SMARCC2: variants seen among roughly 807,000 people sequenced by gnomAD.
SMARCC2 encodes the protein SWI/SNF related BAF chromatin remodeling complex subunit C2.
A neutral mutation model predicts 151.3 loss-of-function variants in SMARCC2; 15 were observed. The ratio of observed to expected loss-of-function variants is 0.10; its 90% confidence interval spans 0.07 to 0.15. SMARCC2 has a LOEUF of 0.15. SMARCC2 is among the 10% of genes least tolerant of loss of function. The pLI is 1.00. For missense variants in SMARCC2, 1,031 were observed against 1,599.7 expected (o/e 0.64, Z 6.06); for synonymous variants, 590 against 609.5 (o/e 0.97, Z 0.47).
At chr12:56,173,898 G>A (rs1292615303) in intron 16 of SMARCC2, 49 bp from the exon 17 acceptor site, 3 of 1,548,012 alleles carry the variant, frequency 1.9e-6, no homozygotes, top group Admixed American at 3.6e-5. Context: ...CCAGAAAGGT[G>A]CACGAGGAAG....
rs137865367 is a variant in SMARCC2 at position 56,166,011 on chromosome 12, C to A, written c.2851-312G>T. Reference sequence around the variant, plus strand: ...GGAAAATGCTTCCAGTTCCTTTTGTCAATTCAAGTTCTTTTCTTACTTCAA... The same window carrying A: ...GGAAAATGCTTCCAGTTCCTTTTGTAAATTCAAGTTCTTTTCTTACTTCAA... On this transcript the variant is annotated intron_variant, in intron 26 of 28. Coordinates refer to ENST00000550164, the MANE Select transcript of SMARCC2 (RefSeq NM_001330288.2). 4.8e-4 allele frequency among the ~76,000 whole-genome samples: 73 copies of A among 152,362 alleles called. 2 individuals carry two copies. The highest frequency in any genetic ancestry group is 8.2e-4 in the Non-Finnish European group (56 of 68,044).
chr12:56,184,780 G>T, intron 5 of SMARCC2, 64 bp downstream of exon 5: 1 of 975,814 alleles, frequency 1.0e-6, no homozygotes, highest in Non-Finnish European at 1.7e-6. Context: ...CTGCTGCTTG[G>T]TATAGAAAAC....
At chr12:56,172,270 C>T (rs1322692969) in intron 20 of SMARCC2, 158 bp downstream of exon 20, 8 of 635,808 alleles carry the variant, frequency 1.3e-5, no homozygotes, top group African/African-American at 3.7e-5. Flanking sequence ...TTCGTAGAGA[C>T]GGAGTCTCAC....
chr12:56,171,557 G>A lies in SMARCC2; in HGVS notation c.2185+122C>T. The A allele has an allele frequency of 6.7e-7, 1 of 1,501,508 alleles. No individual in the cohort carries two copies. Among genetic ancestry groups the A allele is most frequent in the African/African-American group, 1.4e-5 (1 of 72,106 alleles). 93.0% of individuals were successfully genotyped at this position (1,501,508 alleles called of 1,614,324 possible). A position where few individuals can be genotyped will look rare whatever the true frequency, so the allele number is the denominator to read the frequency against. Reference sequence around the variant, plus strand: ...TAGTATGGAGCCTAGACAGGTGCCTGAGCTGAGGCCCGCACAGACAAGGCC... The same window carrying A: ...TAGTATGGAGCCTAGACAGGTGCCTAAGCTGAGGCCCGCACAGACAAGGCC... On this transcript the variant is annotated intron_variant, in intron 21 of 28. Transcript: ENST00000550164. This position sits in a 1 kb window ranked among gnomAD's most constrained non-coding sequence, Gnocchi z 4.2.
At chr12:56,163,914 ACT>A (rs1397110525) in intron 28 of SMARCC2, 149 bp from the exon 29 acceptor site, 2 of 551,050 alleles carry the variant, frequency 3.6e-6, no homozygotes, top group Non-Finnish European at 6.3e-6. Flanking sequence ...TGTTCCCAAC[ACT>A]CTTTTCTACC....
rs1319380581 is a variant in SMARCC2, at chr12:56,165,616, C to T, written c.2934G>A (p.Arg978=). ...EQLKYAEMRA[R]QQHFQQMHQQ... ...GGTGCATCTGTTGGAAGTGCTGCTG[C>T]CGAGCCCTCATCTCCGCATACTTCA... Residue 978 remains arginine, a synonymous_variant, in exon 27 of 29, where the codon CGG becomes CGA. Transcript: ENST00000550164. 1 of 1,613,720 alleles carries T rather than the reference C, an allele frequency of 6.2e-7. No individual in the cohort carries two copies. The highest frequency in any genetic ancestry group is 8.5e-7 in the Non-Finnish European group (1 of 1,180,022).
chr12:56,172,002 C>T, intron 20 of SMARCC2, 65 bp from the exon 21 acceptor site: 1 of 1,485,060 alleles, frequency 6.7e-7, no homozygotes, highest in African/African-American at 1.4e-5. Flanking sequence ...CTGACTCCCC[C>T]CATCCTACTA....
rs750828713 is a variant in SMARCC2 at position 56,174,774 on chromosome 12, AAGAG to A, written c.1383-14_1383-11del. ...TCGATAGGCCAGGTAGCTTAGAAGA[AAGAG>A]AGAGAGAAACAAGAAGAAGAAAAAT... On this transcript the variant is annotated splice_polypyrimidine_tract_variant and intron_variant, in intron 15 of 28. Coordinates refer to ENST00000550164, the MANE Select transcript of SMARCC2 (RefSeq NM_001330288.2). The A allele has an allele frequency of 5.5e-5, 85 of 1,532,376 alleles. No individual in the cohort carries two copies. Among genetic ancestry groups the A allele is most frequent in the South Asian group, 1.0e-4 (9 of 89,318 alleles). The allele number at this position is 1,532,376 out of a possible 1,614,324, so 94.9% of individuals were successfully genotyped here. A position where few individuals can be genotyped will look rare whatever the true frequency, so the allele number is the denominator to read the frequency against.
At chr12:56,181,155 C>G in intron 10 of SMARCC2, 54 bp from the exon 11 acceptor site, 1 of 1,569,134 alleles carries the variant, frequency 6.4e-7, no homozygotes, top group South Asian at 1.2e-5. Flanking sequence ...CAAGGAGTCC[C>G]TGGAAGTTGA....
At position 56,169,818 on chromosome 12, in the gene SMARCC2, C is replaced by T. The variant is rs778409218; in HGVS notation, c.2506G>A (p.Asp836Asn). The part of the protein sequence containing the change: ...KKDEEKGKEG[D>N]SEKESEKSDG... ...CTCTTCTCGGACTCCTTCTCACTGT[C>T]GCCTTCTTTCCCTTTCTCCTCATCC... The change falls in exon 24 of 29, where the codon GAC (aspartate) becomes AAC (asparagine). Residue 836 changes from aspartate to asparagine, a missense_variant. Physicochemically the swap from Asp to Asn is conservative, Grantham distance 23. Around this residue, in one of 12 missense-constraint regions of SMARCC2, gnomAD observed 119 missense variants for 184.2 expected, o/e 0.65. Coordinates refer to ENST00000550164, the MANE Select transcript of SMARCC2 (RefSeq NM_001330288.2). The T allele has an allele frequency of 8.0e-5, 129 of 1,613,958 alleles. 3 individuals carry two copies. In the Admixed American group the frequency reaches 1.2e-3, roughly 15 times the overall value.
At chr12:56,169,141 A>C (rs2135668384) in intron 25 of SMARCC2, among the ~76,000 whole-genome samples, 1 of 151,748 alleles carries the variant, frequency 6.6e-6, no homozygotes, top group South Asian at 2.1e-4. Flanking sequence ...TAAAAATACA[A>C]AGAGTTAGCC....
chr12:56,187,175 T>G lies in SMARCC2; in HGVS notation c.231+12A>C, dbSNP rs1250609963. 6.2e-7 allele frequency: 1 copy of G among 1,612,684 alleles called. No homozygotes were observed. Among genetic ancestry groups the G allele is most frequent in the Non-Finnish European group, 8.5e-7 (1 of 1,178,972 alleles). ...CACCACCCCCCACCCTCCCTGCTACTTCTGCACTCACCGGCAGTTTAGTGA... is the reference window on the plus strand; with the variant it reads ...CACCACCCCCCACCCTCCCTGCTACGTCTGCACTCACCGGCAGTTTAGTGA... On this transcript the variant is annotated intron_variant, in intron 2 of 28. Coordinates refer to ENST00000550164, the MANE Select transcript of SMARCC2 (RefSeq NM_001330288.2).
At chr12:56,167,776 G>A (rs1314050091) in intron 26 of SMARCC2, among the ~76,000 whole-genome samples, 3 of 151,966 alleles carry the variant, frequency 2.0e-5, no homozygotes, top group African/African-American at 7.2e-5. Flanking sequence ...TCACTTGTGA[G>A]ACCACTTAAC....
intron 15 of SMARCC2, among the ~76,000 whole-genome samples, chr12:56,175,913 C>T (rs959142227): frequency 3.4e-4 from 52 of 151,840 alleles, no homozygotes; most frequent in African/African-American, 1.0e-3. Context: ...GGCTGGAGTA[C>T]AATGATGAGA....
In SMARCC2 at chr12:56,171,135, G is replaced by C; in HGVS notation, c.2347+136C>G. 1 of 806,544 alleles carries C rather than the reference G, an allele frequency of 1.2e-6. No homozygotes were observed. The highest frequency in any genetic ancestry group is 1.8e-5 in the South Asian group (1 of 56,090). 50.0% of individuals were successfully genotyped at this position (806,544 alleles called of 1,614,324 possible). On this transcript the variant is annotated intron_variant, in intron 22 of 28. Transcript: ENST00000550164. The surrounding 1 kb of genome is among the most constrained non-coding windows in gnomAD (Gnocchi z 4.2). ...TCCAGAGCCCCTGAGGTAAACTCAT[G>C]GGGAAAATAAAAACCCTACCAATGT...
chr12:56,182,613 G>A (rs978051806), intron 7 of SMARCC2, among the ~76,000 whole-genome samples: 1 of 151,076 alleles, frequency 6.6e-6, no homozygotes, highest in Non-Finnish European at 1.5e-5. Context: ...ATGAGACACC[G>A]CGTCCAGCTG....
intron 17 of SMARCC2, among the ~76,000 whole-genome samples, chr12:56,173,295 C>G (rs929815744): frequency 6.6e-6 from 1 of 152,034 alleles, no homozygotes; most frequent in African/African-American, 2.4e-5. Context: ...AGCCACATAA[C>G]CTTCTTCCTA....
At chr12:56,165,731 T>A (rs749434126) in intron 26 of SMARCC2, 32 bp from the exon 27 acceptor site, 1 of 1,598,962 alleles carries the variant, frequency 6.3e-7, no homozygotes, top group Non-Finnish European at 8.5e-7. Context: ...TGTTATCCAA[T>A]TTTCAGCAGA....
rs1872096578 is a variant in SMARCC2 at position 56,163,064 on chromosome 12, CAAT to C, written c.*622_*624del. The C allele has an allele frequency of 1.3e-5, 2 of 151,778 alleles. No individual in the cohort carries two copies. Among genetic ancestry groups the C allele is most frequent in the African/African-American group, 2.4e-5 (1 of 41,244 alleles). The allele number at this position is 151,778 out of a possible 1,614,324, so 9.4% of individuals were successfully genotyped here. ...GAGCTGGGGTGGCCTAAAACAGCAA[CAAT>C]GAGGAAGCCGCAGGAGGGATTATTA... On this transcript the variant is annotated 3_prime_UTR_variant, in exon 29 of 29. Coordinates refer to ENST00000550164, the MANE Select transcript of SMARCC2 (RefSeq NM_001330288.2).
Sources: allele counts gnomAD v4.1 joint callset (sites outside exome capture counted in the v4.1 genomes callset), GRCh38; gene constraint gnomAD v4.1.1; regional missense constraint gnomAD v4.1.1; non-coding constraint Gnocchi (gnomAD v3.1); transcripts MANE v1.5; gene names NCBI Gene and HGNC (gene_info 2026-07-23, HGNC 2026-07-21).